The following C5 variants were observed in gnomAD, a reference collection of about 807,000 sequenced individuals.
C5 encodes the protein complement C5.
Under a neutral mutation model 218.8 loss-of-function variants are expected in C5, and 140 were observed. The observed-to-expected ratio is 0.64, with a 90% CI of 0.56 to 0.74. C5 has a LOEUF of 0.74. Ranked by LOEUF, C5 falls within the 30% of genes least tolerant of loss-of-function variation. The pLI is 0.00. For synonymous variants in C5, 614 were observed against 682.3 expected (o/e 0.90, Z 1.56); for missense variants, 1,700 against 1,969.6 (o/e 0.86, Z 2.59).
At chr9:120,999,949 C>A (rs2047146490) in intron 20 of C5, 1 of 445,102 alleles carries the variant, frequency 2.2e-6, no homozygotes, top group Middle Eastern at 7.0e-4. Context: ...ATCCCAGCTA[C>A]TTGGGAGGCT....
At chr9:120,994,223 T>G (rs1052578790) in intron 22 of C5, among the ~76,000 whole-genome samples, 3 of 152,180 alleles carry the variant, frequency 2.0e-5, no homozygotes, top group Admixed American at 6.5e-5. Context: ...TCCAAACACT[T>G]TTTAGCATTT....
chr9:120,963,726 G>T lies in C5; in HGVS notation c.4233C>A (p.Ser1411Arg). The stretch of plus-strand genomic sequence containing the variant: ...AGGATCCAGATGATGATTCTTCCCT[G>T]CTGGGCTTGTAGCTAAAATAAAAAA... ...RIVACASYKP[S>R]REESSSGSSH... Residue 1411 changes from serine (S) to arginine (R), a missense_variant, in exon 34 of 41, where the codon AGC becomes AGA. Transcript: ENST00000223642. 1 of 1,612,176 alleles carries T rather than the reference G, an allele frequency of 6.2e-7. No individual in the cohort carries two copies. Among genetic ancestry groups the T allele is most frequent in the Non-Finnish European group, 8.5e-7 (1 of 1,178,366 alleles).
At chr9:121,043,775 T>C (rs2047601937) in intron 2 of C5, among the ~76,000 whole-genome samples, 1 of 147,874 alleles carries the variant, frequency 6.8e-6, no homozygotes, top group Non-Finnish European at 1.5e-5. Context: ...CCTGAACTCC[T>C]GGCCTCAAGT....
upstream of C5, among the ~76,000 whole-genome samples, chr9:121,053,425 C>A (rs2047682624): frequency 6.6e-6 from 1 of 152,124 alleles, no homozygotes; most frequent in African/African-American, 2.4e-5. Context: ...GGCTTCGGTG[C>A]CAGCAGTTTA....
Position 121,020,046 on chromosome 9 carries a change from C to T in C5, c.1436G>A (p.Gly479Glu). Residue 479 changes from glycine to glutamate, a missense_variant, in exon 12 of 41, where the codon GGA becomes GAA. Coordinates refer to ENST00000223642, the MANE Select transcript of C5 (RefSeq NM_001735.3). The stretch of plus-strand genomic sequence containing the variant: ...GGTAACAATAATATTCAGATGTTCT[C>T]CCACTAGCAAAGCCTTATGGTTATC... ...WTDNHKALLV[G>E]EHLNIIVTPK... 6.2e-7 allele frequency: 1 copy of T among 1,613,182 alleles called. No homozygotes were observed.
At chr9:121,062,778 T>C in the C5 span, among the ~76,000 whole-genome samples, 1 of 152,222 alleles carries the variant, frequency 6.6e-6, no homozygotes, top group Non-Finnish European at 1.5e-5. Flanking sequence ...TTCAGCACTT[T>C]GAATATATCA....
At chr9:120,956,721 T>C (rs1032831744) in intron 39 of C5, among the ~76,000 whole-genome samples, 2 of 152,050 alleles carry the variant, frequency 1.3e-5, no homozygotes, top group African/African-American at 4.8e-5. Flanking sequence ...CGTAGACCAA[T>C]GGAACAGGTT....
rs763880883 is a variant in C5 at position 120,964,136 on chromosome 9, T to G, written c.4221-398A>C. On this transcript the variant is annotated intron_variant, in intron 33 of 40. Transcript: ENST00000223642. ...AGCATATTCCAAGGAAAAAATCAGT[T>G]GTATGTTGAAAAGAGATTCAATAAA... Among the ~76,000 whole-genome samples the G allele has an allele frequency of 1.8e-4, 28 of 152,216 alleles. 1 individual carries two copies. Among genetic ancestry groups the G allele is most frequent in the Non-Finnish European group, 2.6e-4 (18 of 68,044 alleles).
Position 121,006,888 on chromosome 9 carries a change from A to G in C5, c.2422+16T>C, listed in dbSNP as rs768507502. The stretch of plus-strand genomic sequence containing the variant: ...AAATCACTATTTAAATGCATATATC[A>G]CTTAAACCTGCTTACCAGTGTTTGA... On this transcript the variant is annotated intron_variant, in intron 19 of 40. Coordinates refer to ENST00000223642, the MANE Select transcript of C5 (RefSeq NM_001735.3). 6.5e-7 allele frequency: 1 copy of G among 1,531,056 alleles called. No homozygotes were observed. Among genetic ancestry groups the G allele is most frequent in the South Asian group, 1.1e-5 (1 of 88,876 alleles). The allele number at this position is 1,531,056 out of a possible 1,614,324, so 94.8% of individuals were successfully genotyped here.
intron 36 of C5, among the ~76,000 whole-genome samples, chr9:120,962,020 T>C (rs1168600237): frequency 1.3e-5 from 2 of 152,148 alleles, no homozygotes; most frequent in Admixed American, 6.6e-5. Flanking sequence ...TTGGTTCACT[T>C]CAAGAATTTT....
At chr9:121,019,055 TA>T (rs1390813191) in intron 12 of C5, among the ~76,000 whole-genome samples, 5 of 150,634 alleles carry the variant, frequency 3.3e-5, no homozygotes, top group East Asian at 1.9e-4. Flanking sequence ...TTTCACCGAT[TA>T]AAAAAAAATA....
chr9:121,026,138 A>T (rs1252404608), intron 8 of C5, among the ~76,000 whole-genome samples: 1 of 152,206 alleles, frequency 6.6e-6, no homozygotes, highest in African/African-American at 2.4e-5. Flanking sequence ...TCTAGCATAG[A>T]ATTTTGCATT....
At chr9:121,067,920 T>C in the C5 span, among the ~76,000 whole-genome samples, 1 of 152,296 alleles carries the variant, frequency 6.6e-6, no homozygotes, top group Non-Finnish European at 1.5e-5. Flanking sequence ...TATAAATTAC[T>C]CAGTCTCAGT....
the C5 span, among the ~76,000 whole-genome samples, chr9:121,065,960 A>C: frequency 6.6e-6 from 1 of 152,238 alleles, no homozygotes; most frequent in Non-Finnish European, 1.5e-5. Flanking sequence ...ACAAACTTGA[A>C]TGGGCTTAAA....
chr9:121,018,252 CAAAAAAAAAA>C (rs1189613789), intron 12 of C5, among the ~76,000 whole-genome samples: 4 of 42,212 alleles, frequency 9.5e-5, no homozygotes, highest in South Asian at 1.9e-3. Flanking sequence ...GACTCTGTCT[CAAAAAAAAAA>C]AAAAAAAAAA....
intron 33 of C5, 49 bp downstream of exon 33, chr9:120,969,011 CA>C (rs1233514507): frequency 8.8e-6 from 13 of 1,481,308 alleles, no homozygotes; most frequent in Non-Finnish European, 1.2e-5. Flanking sequence ...AATACGTTAA[CA>C]AAAATGAGAA....
chr9:121,033,013 G>GTGTGTGTGT (rs1554724861), intron 5 of C5, among the ~76,000 whole-genome samples: 8 of 143,174 alleles, frequency 5.6e-5, no homozygotes, highest in African/African-American at 1.7e-4. Context: ...AAAAACTATG[G>GTGTGTGTGT]GTGTGTGTGT....
rs1043385161 is a variant in C5 at position 121,000,814 on chromosome 9, G to T, written c.2563-3040C>A. 2.0e-5 allele frequency among the ~76,000 whole-genome samples: 3 copies of T among 152,138 alleles called. No homozygotes were observed. In the East Asian group the frequency reaches 5.8e-4, roughly 29 times the overall value. ...CATAGTACCTAATAGGTCATTTTTT[G>T]ATCTTTACCCTTCTCTCACCCTCCA... On this transcript the variant is annotated intron_variant, in intron 20 of 40. Coordinates refer to ENST00000223642, the MANE Select transcript of C5 (RefSeq NM_001735.3).
At chr9:120,957,191 G>C in intron 39 of C5, 94 bp downstream of exon 39, 1 of 861,706 alleles carries the variant, frequency 1.2e-6, no homozygotes, top group East Asian at 2.5e-5. Context: ...TGTCTTATTT[G>C]AGTTGTATCT....
Sources: allele counts gnomAD v4.1 joint callset (sites outside exome capture counted in the v4.1 genomes callset), GRCh38; gene constraint gnomAD v4.1.1; transcripts MANE v1.5; gene names NCBI Gene and HGNC (gene_info 2026-07-23, HGNC 2026-07-21).